LINGO2: variants seen among roughly 807,000 people sequenced by gnomAD.
LINGO2 encodes leucine-rich repeat and immunoglobulin-like domain-containing nogo receptor-interacting protein 2.
Under a neutral mutation model 30.6 loss-of-function variants are expected in LINGO2, and 14 were observed. The ratio of observed to expected loss-of-function variants is 0.46; its 90% CI spans 0.30 to 0.72. The LOEUF (loss-of-function observed/expected upper bound fraction) is 0.72, where lower values mean the gene tolerates loss of function less well. Among genes scored for constraint, LINGO2 ranks in the 30% least tolerant of loss-of-function variants. LINGO2 has a pLI of 0.07. For synonymous variants in LINGO2, 317 were observed against 288.5 expected (o/e 1.10, Z -1.00); for missense variants, 729 against 751.7 (o/e 0.97, Z 0.35).
chr9:27,968,349 G>A (rs1820197241), intron 5 of LINGO2, among the ~76,000 whole-genome samples: 1 of 151,928 alleles, frequency 6.6e-6, no homozygotes, highest in African/African-American at 2.4e-5. Context: ...CATGACTCAT[G>A]GTTCCAAATG....
chr9:28,393,405 A>G (rs1456960268), intron 2 of LINGO2, among the ~76,000 whole-genome samples: 1 of 152,232 alleles, frequency 6.6e-6, no homozygotes, highest in Non-Finnish European at 1.5e-5. Flanking sequence ...AGGCTGAAAG[A>G]GAGTTATTAA....
chr9:28,081,435 T>C (rs1285379050), intron 4 of LINGO2, among the ~76,000 whole-genome samples: 1 of 152,222 alleles, frequency 6.6e-6, no homozygotes, highest in Non-Finnish European at 1.5e-5. Context: ...GCCTAAATTT[T>C]AGAGCTTGGT....
At chr9:29,132,172 C>T in the LINGO2 span, among the ~76,000 whole-genome samples, 3 of 151,872 alleles carry the variant, frequency 2.0e-5, no homozygotes, top group Admixed American at 6.6e-5. Context: ...CCATCTGTCC[C>T]TCTGCCTCCC....
intron 4 of LINGO2, among the ~76,000 whole-genome samples, chr9:28,198,260 A>AG (rs1491166790): frequency 6.6e-6 from 1 of 151,370 alleles, no homozygotes. Flanking sequence ...AAAAAAAAAA[A>AG]CAAACTCTAA....
At chr9:28,207,752 T>A (rs1269041868) in intron 4 of LINGO2, among the ~76,000 whole-genome samples, 1 of 152,164 alleles carries the variant, frequency 6.6e-6, no homozygotes, top group Non-Finnish European at 1.5e-5. Flanking sequence ...TTTTGAGAAT[T>A]GCTGAGTATG....
At chr9:28,773,036 T>C in the LINGO2 span, among the ~76,000 whole-genome samples, 3 of 151,980 alleles carry the variant, frequency 2.0e-5, no homozygotes, top group South Asian at 2.1e-4. Flanking sequence ...AGTGAAATGC[T>C]CAGTTAGGTT....
the LINGO2 span, among the ~76,000 whole-genome samples, chr9:28,911,122 C>T: frequency 6.6e-6 from 1 of 151,334 alleles, no homozygotes; most frequent in South Asian, 2.1e-4. Flanking sequence ...TGATCTGGGT[C>T]GATTATGTCA....
chr9:28,259,233 C>T (rs1204935226), intron 4 of LINGO2, among the ~76,000 whole-genome samples: 1 of 151,886 alleles, frequency 6.6e-6, no homozygotes, highest in Non-Finnish European at 1.5e-5. Context: ...TTAGGAACCA[C>T]AGAGGTGCCT....
At chr9:28,897,802 A>C in the LINGO2 span, among the ~76,000 whole-genome samples, 1 of 152,082 alleles carries the variant, frequency 6.6e-6, no homozygotes. Flanking sequence ...AGTATTTCCC[A>C]CTTATGAAAT....
intron 2 of LINGO2, among the ~76,000 whole-genome samples, chr9:28,381,357 T>C (rs1456862482): frequency 6.6e-6 from 1 of 152,072 alleles, no homozygotes; most frequent in African/African-American, 2.4e-5. Context: ...CAGTCTCCAT[T>C]GGTTGGTGAG....
intron 4 of LINGO2, among the ~76,000 whole-genome samples, chr9:28,289,783 C>T (rs1823650067): frequency 6.6e-6 from 1 of 152,194 alleles, no homozygotes; most frequent in South Asian, 2.1e-4. Context: ...GAAGCATCTT[C>T]TCTCTCCAGT....
the LINGO2 span, among the ~76,000 whole-genome samples, chr9:29,058,834 A>C: frequency 6.6e-6 from 1 of 152,040 alleles, no homozygotes; most frequent in African/African-American, 2.4e-5. Context: ...ACTGAAAGAA[A>C]AATAAGTAAA....
chr9:28,198,943 G>C (rs796088590), intron 4 of LINGO2, among the ~76,000 whole-genome samples: 19 of 152,262 alleles, frequency 1.2e-4, no homozygotes, highest in African/African-American at 4.3e-4. Flanking sequence ...AGATGTGAAA[G>C]TCTGGCAATT....
At chr9:29,038,673 GAA>G in the LINGO2 span, among the ~76,000 whole-genome samples, 1,787 of 126,064 alleles carry the variant, frequency 0.014, 19 homozygotes, top group African/African-American at 0.024. Flanking sequence ...TCACTACTCA[GAA>G]AAAAAAAAAA....
the LINGO2 span, among the ~76,000 whole-genome samples, chr9:28,718,805 G>T: frequency 4.6e-5 from 7 of 152,002 alleles, no homozygotes; most frequent in Admixed American, 6.6e-5. Context: ...CAAACACTTG[G>T]TTTTTTCTGT....
chr9:29,025,051 C>CCATT, the LINGO2 span, among the ~76,000 whole-genome samples: 2 of 151,956 alleles, frequency 1.3e-5, no homozygotes, highest in Non-Finnish European at 2.9e-5. Flanking sequence ...CCCTGATGGC[C>CCATT]CATTCACAGT....
At chr9:28,586,907 G>A (rs1280062857) in intron 1 of LINGO2, among the ~76,000 whole-genome samples, 1 of 151,976 alleles carries the variant, frequency 6.6e-6, no homozygotes, top group East Asian at 1.9e-4. Flanking sequence ...AATGCCATAA[G>A]CCATTCAGGG....
intron 5 of LINGO2, among the ~76,000 whole-genome samples, chr9:27,985,492 G>T (rs1821081715): frequency 6.6e-6 from 1 of 151,876 alleles, no homozygotes; most frequent in South Asian, 2.1e-4. Context: ...GCATCTTTGA[G>T]TAAATTAATA....
chr9:28,213,145 C>T (rs990376107), intron 4 of LINGO2, among the ~76,000 whole-genome samples: 20 of 151,494 alleles, frequency 1.3e-4, no homozygotes, highest in Non-Finnish European at 2.5e-4. Flanking sequence ...CCCACTTCAA[C>T]AGATTCTACT....
Sources: gnomAD v4.1 joint callset for allele counts (sites outside exome capture counted in the v4.1 genomes callset) on GRCh38, gnomAD v4.1.1 for gene constraint, MANE v1.5 for transcripts, NCBI Gene and HGNC (gene_info 2026-07-23, HGNC 2026-07-21) for gene names.